Variants in OSBPL9 observed in about 807,000 individuals in gnomAD.
OSBPL9 encodes the protein oxysterol binding protein like 9.
OSBPL9 carries 40 observed loss-of-function variants against 106.6 expected under a neutral mutation model. That is an observed-to-expected ratio of 0.38 (90% CI 0.29 to 0.49). OSBPL9 has a LOEUF of 0.49. Among genes scored for constraint, OSBPL9 ranks in the 20% least tolerant of loss-of-function variants. The pLI is 0.97. For missense variants in OSBPL9, 609 were observed against 887.2 expected, an observed-to-expected ratio of 0.69 and a Z score of 3.98; for synonymous variants, 269 against 295.4, an observed-to-expected ratio of 0.91 and a Z score of 0.92.
chr1:51,689,613 T>G (rs1654551163), intron 3 of OSBPL9, among the ~76,000 whole-genome samples: 1 of 152,208 alleles, frequency 6.6e-6, no homozygotes. Context: ...AAGGTTAATA[T>G]TCAATAAAAC....
At chr1:51,619,835 A>G (rs998487743) in intron 1 of OSBPL9, among the ~76,000 whole-genome samples, 1 of 152,232 alleles carries the variant, frequency 6.6e-6, no homozygotes, top group African/African-American at 2.4e-5. Flanking sequence ...GCATGTGGCT[A>G]ATAACTTGGA....
intron 9 of OSBPL9, 99 bp downstream of exon 9, chr1:51,756,457 C>T (rs1181172168): frequency 1.8e-6 from 2 of 1,101,148 alleles, no homozygotes; most frequent in Admixed American, 2.1e-5. Flanking sequence ...TTTTCAATGC[C>T]AACTACTCAC....
chr1:51,760,524 C>T (rs1018430797), intron 9 of OSBPL9, 166 bp from the exon 10 acceptor site: 2 of 943,376 alleles, frequency 2.1e-6, no homozygotes, highest in African/African-American at 1.7e-5. Flanking sequence ...TTAAGCAACT[C>T]TTACACTTCT....
intron 1 of OSBPL9, among the ~76,000 whole-genome samples, chr1:51,625,922 G>A (rs1279377601): frequency 6.6e-6 from 1 of 152,112 alleles, no homozygotes; most frequent in Non-Finnish European, 1.5e-5. Context: ...GTATTTCCAG[G>A]TATTCATAAT....
chr1:51,626,363 C>T lies in OSBPL9; in HGVS notation c.111+9142C>T, dbSNP rs906707509. Among the ~76,000 whole-genome samples the T allele has an allele frequency of 3.3e-5, 5 of 152,074 alleles. No homozygotes were observed. In the South Asian group the frequency reaches 1.0e-3, roughly 31 times the overall value. On this transcript the variant is annotated intron_variant, in intron 1 of 23. Coordinates refer to ENST00000428468, the MANE Select transcript of OSBPL9 (RefSeq NM_024586.6). ...GGGGATCTCAGTCTATAGATTTTCT[C>T]CTCTATCTGCTTTCTCTCCTCTCTC...
intron 10 of OSBPL9, among the ~76,000 whole-genome samples, chr1:51,761,419 A>G (rs1282764942): frequency 1.3e-5 from 2 of 152,156 alleles, no homozygotes; most frequent in African/African-American, 4.8e-5. Flanking sequence ...ATTGTACTGT[A>G]AAATGGAAAA....
chr1:51,602,038 T>TTTTTTTTTTTTA (rs397980183), intron 2 of OSBPL9, among the ~76,000 whole-genome samples: 3 of 144,626 alleles, frequency 2.1e-5, no homozygotes, highest in Admixed American at 7.0e-5. Flanking sequence ...TTTTTTTTTT[T>TTTTTTTTTTTTA]GAGACGGAGT....
intron 7 of OSBPL9, among the ~76,000 whole-genome samples, chr1:51,748,768 G>A (rs897460519): frequency 6.6e-6 from 1 of 151,848 alleles, no homozygotes; most frequent in Admixed American, 6.6e-5. Flanking sequence ...GGGCTCAAGC[G>A]ATCCTCCTGC....
chr1:51,647,219 A>G (rs1553156928), intron 1 of OSBPL9, among the ~76,000 whole-genome samples: 5 of 152,136 alleles, frequency 3.3e-5, no homozygotes, highest in Non-Finnish European at 5.9e-5. Flanking sequence ...AATATGGTAT[A>G]TTATATTGAT....
At chr1:51,543,557 G>A in the OSBPL9 span, among the ~76,000 whole-genome samples, 1 of 152,182 alleles carries the variant, frequency 6.6e-6, no homozygotes, top group South Asian at 2.1e-4. Flanking sequence ...CACCATGCCC[G>A]GCTAATTTTT....
At chr1:51,742,535 G>A (rs909493738) in intron 4 of OSBPL9, among the ~76,000 whole-genome samples, 1 of 149,878 alleles carries the variant, frequency 6.7e-6, no homozygotes, top group Non-Finnish European at 1.5e-5. Flanking sequence ...GCGGAGACAG[G>A]GTCTTGCAAC....
the OSBPL9 span, among the ~76,000 whole-genome samples, chr1:51,559,417 T>C: frequency 6.9e-6 from 1 of 144,896 alleles, no homozygotes; most frequent in Non-Finnish European, 1.5e-5. Flanking sequence ...TCTGTCTCTT[T>C]AAAATACAGA....
intron 14 of OSBPL9, among the ~76,000 whole-genome samples, chr1:51,775,163 T>G (rs1340841349): frequency 1.3e-5 from 2 of 152,150 alleles, no homozygotes; most frequent in Non-Finnish European, 2.9e-5. Context: ...GGAAGAAAAA[T>G]GTTTACCTAA....
At chr1:51,610,341 A>G (rs1364766701) in intron 2 of OSBPL9, among the ~76,000 whole-genome samples, 2 of 151,984 alleles carry the variant, frequency 1.3e-5, no homozygotes, top group Non-Finnish European at 2.9e-5. Context: ...TGCTCACTGC[A>G]ACCTCTGCCT....
At chr1:51,558,605 C>T in the OSBPL9 span, among the ~76,000 whole-genome samples, 1 of 152,236 alleles carries the variant, frequency 6.6e-6, no homozygotes, top group South Asian at 2.1e-4. Flanking sequence ...TCTCTGATTT[C>T]ACCCTCCACC....
chr1:51,767,936 CTTTTTTTTTTTTT>C (rs869092922), intron 12 of OSBPL9, among the ~76,000 whole-genome samples: 1 of 65,056 alleles, frequency 1.5e-5, no homozygotes, highest in South Asian at 7.4e-4. Context: ...TAAAGACCGT[CTTTTTTTTTTTTT>C]TTTTTTTTTT....
the OSBPL9 span, among the ~76,000 whole-genome samples, chr1:51,530,728 T>G: frequency 6.6e-6 from 1 of 151,384 alleles, no homozygotes; most frequent in African/African-American, 2.4e-5. Flanking sequence ...CCTGGCACAG[T>G]GGCTCACACC....
chr1:51,746,064 C>T lies in OSBPL9; in HGVS notation c.414+433C>T, dbSNP rs142382455. On this transcript the variant is annotated intron_variant, in intron 5 of 23. Coordinates refer to ENST00000428468, the MANE Select transcript of OSBPL9 (RefSeq NM_024586.6). Reference sequence around the variant, plus strand: ...GCAACCTCCGCCTCCCGGGTTCAAGCAATTGTTCTTCTGCCTCAGCCTCCT... The same window carrying T: ...GCAACCTCCGCCTCCCGGGTTCAAGTAATTGTTCTTCTGCCTCAGCCTCCT... Among the ~76,000 whole-genome samples, 458 of 152,208 alleles carry T rather than the reference C, an allele frequency of 3.0e-3. 1 individual carries two copies. Among genetic ancestry groups the T allele is most frequent in the African/African-American group, 0.011 (443 of 41,528 alleles).
At chr1:51,716,284 T>C (rs184030833) in intron 4 of OSBPL9, among the ~76,000 whole-genome samples, 3 of 152,256 alleles carry the variant, frequency 2.0e-5, no homozygotes, top group Non-Finnish European at 4.4e-5. Flanking sequence ...TAGTGAAGTG[T>C]GGTAAAGAAC....
Sources: gnomAD v4.1 joint callset for allele counts (sites outside exome capture counted in the v4.1 genomes callset) on GRCh38, gnomAD v4.1.1 for gene constraint, MANE v1.5 for transcripts, NCBI Gene and HGNC (gene_info 2026-07-23, HGNC 2026-07-21) for gene names.